FAM193A: variants seen among roughly 807,000 people sequenced by gnomAD.
FAM193A encodes family with sequence similarity 193 member A.
FAM193A carries 22 observed loss-of-function variants against 126.5 expected under a neutral mutation model. That is an observed-to-expected ratio of 0.17 (90% confidence interval 0.12 to 0.25). The LOEUF is 0.25. Among genes scored for constraint, FAM193A ranks in the 10% least tolerant of loss-of-function variants. The pLI is 1.00. For synonymous variants in FAM193A, 761 were observed against 646.8 expected (o/e 1.18, Z -2.68); for missense variants, 1,675 against 1,672.8 (o/e 1.00, Z -0.02).
intron 9 of FAM193A, 40 bp from the exon 10 acceptor site, chr4:2,659,772 G>A: frequency 1.2e-6 from 2 of 1,614,062 alleles, no homozygotes; most frequent in South Asian, 1.1e-5. Flanking sequence ...CTAGTCTTGT[G>A]CATTGGTTGG....
chr4:2,636,622 G>A (rs1004592650), intron 5 of FAM193A, among the ~76,000 whole-genome samples: 1 of 152,156 alleles, frequency 6.6e-6, no homozygotes, highest in Non-Finnish European at 1.5e-5. Context: ...GATGTTGACA[G>A]TTTTATTAAT....
At chr4:2,709,768 T>C (rs1718708938) in intron 19 of FAM193A, among the ~76,000 whole-genome samples, 1 of 152,172 alleles carries the variant, frequency 6.6e-6, no homozygotes, top group African/African-American at 2.4e-5. Context: ...TTCAGTGATC[T>C]GGAACAATTC....
At chr4:2,641,063 C>T (rs772249723) in intron 6 of FAM193A, among the ~76,000 whole-genome samples, 11 of 151,820 alleles carry the variant, frequency 7.2e-5, no homozygotes, top group Non-Finnish European at 1.5e-4. Flanking sequence ...ATTTTTGAGA[C>T]AGTGTCTTGC....
intron 19 of FAM193A, among the ~76,000 whole-genome samples, chr4:2,712,172 T>C (rs1719051307): frequency 6.6e-6 from 1 of 152,156 alleles, no homozygotes; most frequent in African/African-American, 2.4e-5. Context: ...TCTTGGGTCT[T>C]GGTATAGAGT....
chr4:2,727,986 C>A (rs2109432823), intron 20 of FAM193A, among the ~76,000 whole-genome samples: 1 of 151,754 alleles, frequency 6.6e-6, no homozygotes, highest in South Asian at 2.1e-4. Flanking sequence ...GCTCTAGTTG[C>A]CCAGGCACGA....
chr4:2,628,377 C>T (rs200823039), intron 4 of FAM193A, among the ~76,000 whole-genome samples: 2 of 151,966 alleles, frequency 1.3e-5, no homozygotes, highest in Non-Finnish European at 2.9e-5. Context: ...TCCAGCCAAG[C>T]GTGGTGGCTC....
intron 1 of FAM193A, among the ~76,000 whole-genome samples, chr4:2,558,038 C>T (rs1008221407): frequency 2.0e-5 from 3 of 151,884 alleles, no homozygotes; most frequent in Non-Finnish European, 4.4e-5. Flanking sequence ...TTTGGGAGGC[C>T]GAGGTGGGTG....
intron 1 of FAM193A, among the ~76,000 whole-genome samples, chr4:2,590,473 AAACAAAAAAAAACAAAAAAAAAC>A (rs1485521166): frequency 1.3e-5 from 1 of 79,860 alleles, no homozygotes; most frequent in African/African-American, 9.1e-5. Context: ...CAAAAAAAAA[AAACAAAAAAAAACAAAAAAAAAC>A]AAAAAAAAAC....
chr4:2,711,142 A>T (rs573960235), intron 19 of FAM193A, among the ~76,000 whole-genome samples: 174 of 151,160 alleles, frequency 1.2e-3, no homozygotes, highest in Non-Finnish European at 2.1e-3. Flanking sequence ...GTGAGCCACC[A>T]CGCCCGGCCA....
chr4:2,550,361 G>A (rs1737838688), intron 1 of FAM193A, among the ~76,000 whole-genome samples: 1 of 150,894 alleles, frequency 6.6e-6, no homozygotes. Context: ...TGTTTAAGTC[G>A]TAGGTGACAT....
chr4:2,709,219 G>A (rs150564399), intron 19 of FAM193A, among the ~76,000 whole-genome samples: 203 of 152,172 alleles, frequency 1.3e-3, no homozygotes, highest in African/African-American at 4.8e-3. Context: ...TGATTTTTAA[G>A]TATTGAACTG....
chr4:2,554,226 A>T (rs1371930159), intron 1 of FAM193A, among the ~76,000 whole-genome samples: 1 of 152,050 alleles, frequency 6.6e-6, no homozygotes, highest in African/African-American at 2.4e-5. Context: ...CTGGGATTAC[A>T]GGTGCCCACC....
At chr4:2,639,664 C>T (rs1320808383) in intron 5 of FAM193A, 71 bp from the exon 6 acceptor site, 8 of 1,320,642 alleles carry the variant, frequency 6.1e-6, no homozygotes, top group Non-Finnish European at 8.5e-6. Flanking sequence ...GGGAGGGAAT[C>T]CCTCTGGGAA....
At chr4:2,628,393 T>C (rs1743192209) in intron 4 of FAM193A, among the ~76,000 whole-genome samples, 1 of 152,178 alleles carries the variant, frequency 6.6e-6, no homozygotes, top group Non-Finnish European at 1.5e-5. Flanking sequence ...GGCTCACACC[T>C]GTAATCCCAG....
At position 2,584,126 on chromosome 4, in the gene FAM193A, A is replaced by T. The variant is rs117785606; in HGVS notation, c.256-11958A>T. Among the ~76,000 whole-genome samples the T allele has an allele frequency of 2.6e-4, 39 of 152,230 alleles. 1 individual carries two copies. In the East Asian group the frequency reaches 7.3e-3, roughly 29 times the overall value. Reference sequence around the variant, plus strand: ...TAGGTCTGTGATCTATTTCAACTTAATTTTGGGTATGGTGTGAGGTGAAGT... The same window carrying T: ...TAGGTCTGTGATCTATTTCAACTTATTTTTGGGTATGGTGTGAGGTGAAGT... On this transcript the variant is annotated intron_variant, in intron 1 of 20. Transcript: ENST00000637812.
intron 13 of FAM193A, among the ~76,000 whole-genome samples, chr4:2,673,161 C>G (rs967220734): frequency 3.3e-5 from 5 of 151,950 alleles, no homozygotes; most frequent in Non-Finnish European, 7.4e-5. Context: ...TGATTGTTTT[C>G]TTTTTTTTCT....
At position 2,619,415 on chromosome 4, in the gene FAM193A, G is replaced by A. The variant is rs1742405102; in HGVS notation, c.502-5847G>A. Among the ~76,000 whole-genome samples, 6 of 151,450 alleles carry A rather than the reference G, an allele frequency of 4.0e-5. No homozygotes were observed. In the South Asian group the frequency reaches 1.3e-3, roughly 32 times the overall value. On this transcript the variant is annotated intron_variant, in intron 2 of 20. Coordinates refer to ENST00000637812, the MANE Select transcript of FAM193A (RefSeq NM_001366318.2). ...CCTCCTGGGTTCAAACGATTCTCCT[G>A]CTTCAGCCTCCTGAGTAGCTGGGAT...
At chr4:2,725,866 C>A (rs981054296) in intron 20 of FAM193A, among the ~76,000 whole-genome samples, 1 of 151,954 alleles carries the variant, frequency 6.6e-6, no homozygotes, top group African/African-American at 2.4e-5. Flanking sequence ...CGTGGGCCAC[C>A]AATCTCAGCT....
chr4:2,616,013 C>G (rs1311277968), intron 2 of FAM193A, among the ~76,000 whole-genome samples: 2 of 152,184 alleles, frequency 1.3e-5, no homozygotes. Flanking sequence ...GTTGCCCAGG[C>G]TGGTCTCGAA....
Sources: allele counts gnomAD v4.1 joint callset (sites outside exome capture counted in the v4.1 genomes callset), GRCh38; gene constraint gnomAD v4.1.1; transcripts MANE v1.5; gene names NCBI Gene and HGNC (gene_info 2026-07-23, HGNC 2026-07-21).